The following GPATCH1 variants were observed in gnomAD, a reference collection of about 807,000 sequenced individuals.
GPATCH1 encodes G-patch domain containing 1.
In GPATCH1, 73 loss-of-function variants were observed where a neutral mutation model predicts 114.9. The observed-to-expected ratio is 0.64, with a 90% CI of 0.53 to 0.77. The LOEUF (loss-of-function observed/expected upper bound fraction) is 0.77, where lower values mean the gene tolerates loss of function less well. GPATCH1 is among the 30% of genes least tolerant of loss of function. The pLI is 0.00. For synonymous variants in GPATCH1, 391 were observed against 428.4 expected (o/e 0.91, Z 1.08); for missense variants, 1,058 against 1,144.3 (o/e 0.92, Z 1.09).
At chr19:33,092,991 C>A (rs868294741) in intron 3 of GPATCH1, among the ~76,000 whole-genome samples, 1 of 152,066 alleles carries the variant, frequency 6.6e-6, no homozygotes, top group Non-Finnish European at 1.5e-5. Context: ...GAGTTCGAGA[C>A]CAGCCTGACC....
chr19:33,093,154 C>T (rs945377088), intron 3 of GPATCH1, among the ~76,000 whole-genome samples: 1 of 152,150 alleles, frequency 6.6e-6, no homozygotes, highest in Admixed American at 6.5e-5. Flanking sequence ...CACCACTGCA[C>T]TCCGGCCTGG....
intron 17 of GPATCH1, among the ~76,000 whole-genome samples, chr19:33,124,031 T>C (rs970171382): frequency 6.6e-6 from 1 of 151,958 alleles, no homozygotes; most frequent in African/African-American, 2.4e-5. Context: ...TTTTTGCATT[T>C]TTAATAGAGA....
intron 19 of GPATCH1, 53 bp downstream of exon 19, chr19:33,126,786 T>G: frequency 1.4e-6 from 2 of 1,417,656 alleles, no homozygotes; most frequent in Non-Finnish European, 1.9e-6. Flanking sequence ...GCTTATTGAG[T>G]GCTTGATGTG....
chr19:33,125,246 C>A, intron 18 of GPATCH1, 44 bp downstream of exon 18: 1 of 1,562,924 alleles, frequency 6.4e-7, no homozygotes, highest in Non-Finnish European at 8.7e-7. Flanking sequence ...GGGGTGGGAC[C>A]CGCTGGTCAG....
rs1348040186 is a variant in GPATCH1 at position 33,090,834 on chromosome 19, T to C, written c.263T>C (p.Val88Ala). Residue 88 changes from valine (V) to alanine (A), a missense_variant, in exon 3 of 20, where the codon GTT becomes GCT. Transcript: ENST00000170564. ...CGACAGAACAGAGCAGACAAATCTG[T>C]TCTTGGTCCTGAAGATTTTATGGAT... ...SSRQNRADKS[V>A]LGPEDFMDEE... 1.2e-6 allele frequency: 2 copies of C among 1,613,238 alleles called. No individual in the cohort carries two copies. The highest frequency in any genetic ancestry group is 8.5e-7 in the Non-Finnish European group (1 of 1,179,344).
At chr19:33,121,163 T>C (rs561097631) in intron 17 of GPATCH1, among the ~76,000 whole-genome samples, 144 of 151,862 alleles carry the variant, frequency 9.5e-4, no homozygotes, top group African/African-American at 3.4e-3. Flanking sequence ...CTCTGTCACC[T>C]AGGCTGGAGT....
At chr19:33,106,333 T>C (rs1335410476) in intron 9 of GPATCH1, among the ~76,000 whole-genome samples, 1 of 152,172 alleles carries the variant, frequency 6.6e-6, no homozygotes, top group African/African-American at 2.4e-5. Flanking sequence ...TGAATGGTAC[T>C]TTTTCTAAAT....
chr19:33,099,358 G>A (rs1972698686), intron 8 of GPATCH1, among the ~76,000 whole-genome samples: 3 of 151,344 alleles, frequency 2.0e-5, no homozygotes, highest in Admixed American at 1.3e-4. Context: ...ATTTAAGTCC[G>A]CCTGCTGAAC....
intron 8 of GPATCH1, among the ~76,000 whole-genome samples, chr19:33,098,199 G>C (rs190732445): frequency 1.3e-5 from 2 of 152,314 alleles, no homozygotes; most frequent in East Asian, 1.9e-4. Context: ...CTGGCAGTGG[G>C]TCAAAGGGAA....
intron 15 of GPATCH1, 52 bp from the exon 16 acceptor site, chr19:33,117,773 C>A (rs1972932148): frequency 7.8e-7 from 1 of 1,281,194 alleles, no homozygotes; most frequent in Admixed American, 1.7e-5. Context: ...AATGTCTCCT[C>A]CCTTTTACCC....
At chr19:33,093,150 T>G (rs913900787) in intron 3 of GPATCH1, among the ~76,000 whole-genome samples, 1 of 152,096 alleles carries the variant, frequency 6.6e-6, no homozygotes, top group Non-Finnish European at 1.5e-5. Flanking sequence ...ATTGCACCAC[T>G]GCACTCCGGC....
intron 9 of GPATCH1, among the ~76,000 whole-genome samples, chr19:33,103,013 T>C (rs1195825023): frequency 6.6e-6 from 1 of 152,142 alleles, no homozygotes; most frequent in African/African-American, 2.4e-5. Flanking sequence ...CAGCCACATG[T>C]GAAGCTCTTA....
In GPATCH1 at chr19:33,127,665, CCA is replaced by C. The variant is rs141613734; in HGVS notation, c.2765+945_2765+946del. 1.7e-3 allele frequency among the ~76,000 whole-genome samples: 256 copies of C among 151,480 alleles called. 2 individuals are homozygous for C. The Middle Eastern group carries it at 0.034, about 20-fold the overall frequency. On this transcript the variant is annotated intron_variant, in intron 19 of 19. Coordinates refer to ENST00000170564, the MANE Select transcript of GPATCH1 (RefSeq NM_018025.3). ...AACCTTTAAGACCTTTTTTGTGCAA[CCA>C]CACACACACACATACACACTCACGT...
chr19:33,099,336 G>A (rs779737019), intron 8 of GPATCH1, among the ~76,000 whole-genome samples: 2 of 151,564 alleles, frequency 1.3e-5, no homozygotes, highest in Non-Finnish European at 2.9e-5. Context: ...TTAATGATAT[G>A]TAATGACATA....
intron 18 of GPATCH1, 111 bp from the exon 19 acceptor site, chr19:33,126,477 A>G: frequency 5.3e-6 from 8 of 1,507,720 alleles, no homozygotes; most frequent in South Asian, 3.7e-5. Flanking sequence ...AATGAGGTTT[A>G]AACATTTTTT....
At chr19:33,100,612 C>T (rs959298106) in intron 8 of GPATCH1, among the ~76,000 whole-genome samples, 1 of 145,448 alleles carries the variant, frequency 6.9e-6, no homozygotes, top group African/African-American at 2.6e-5. Flanking sequence ...AAAAAAAAGC[C>T]CAACAGGAGT....
chr19:33,113,741 A>G (rs961553589), intron 13 of GPATCH1, 26 bp from the exon 14 acceptor site: 9 of 1,609,358 alleles, frequency 5.6e-6, no homozygotes, highest in South Asian at 1.1e-5. Context: ...GGTTGTTACT[A>G]AAATGATTCT....
In GPATCH1 at chr19:33,130,468, C is replaced by G. The variant is rs997727485; in HGVS notation, c.*308C>G. 1.2e-5 allele frequency: 3 copies of G among 257,130 alleles called. No homozygotes were observed. Among genetic ancestry groups the G allele is most frequent in the Non-Finnish European group, 2.2e-5 (3 of 137,792 alleles). The allele number at this position is 257,130 out of a possible 1,614,324, so 15.9% of individuals were successfully genotyped here. A position where few individuals can be genotyped will look rare whatever the true frequency, so the allele number is the denominator to read the frequency against. Reference sequence around the variant, plus strand: ...TTAAAAAAGAAGTTAAAAGTGAAGGCTTCTCTCTGGTTTTGTGATGAAGAC... The same window carrying G: ...TTAAAAAAGAAGTTAAAAGTGAAGGGTTCTCTCTGGTTTTGTGATGAAGAC... On this transcript the variant is annotated 3_prime_UTR_variant, in exon 20 of 20. Coordinates refer to ENST00000170564, the MANE Select transcript of GPATCH1 (RefSeq NM_018025.3).
intron 7 of GPATCH1, 127 bp from the exon 8 acceptor site, chr19:33,097,628 A>G: frequency 2.4e-6 from 2 of 841,056 alleles, no homozygotes; most frequent in African/African-American, 1.7e-5. Context: ...ACCCCCGTTC[A>G]CTTCTCTCTT....
Sources: allele counts gnomAD v4.1 joint callset (sites outside exome capture counted in the v4.1 genomes callset), GRCh38; gene constraint gnomAD v4.1.1; transcripts MANE v1.5; gene names NCBI Gene and HGNC (gene_info 2026-07-23, HGNC 2026-07-21).